The following DCC variants were observed in gnomAD, a reference collection of about 807,000 sequenced individuals.
DCC encodes the protein netrin receptor DCC.
Under a neutral mutation model 172.5 loss-of-function variants are expected in DCC, and 58 were observed. The ratio of observed to expected loss-of-function variants is 0.34; its 90% CI spans 0.27 to 0.42. DCC has a LOEUF of 0.42. Among genes scored for constraint, DCC ranks in the 10% least tolerant of loss-of-function variants. DCC has a pLI of 1.00. For missense variants in DCC, 1,740 were observed against 1,791.0 expected, an observed-to-expected ratio of 0.97 and a Z score of 0.51; for synonymous variants, 709 against 644.5, an observed-to-expected ratio of 1.10 and a Z score of -1.52.
intron 1 of DCC, among the ~76,000 whole-genome samples, chr18:52,369,842 C>T (rs1985040442): frequency 6.6e-6 from 1 of 152,000 alleles, no homozygotes; most frequent in Admixed American, 6.6e-5. Context: ...GTGATATATA[C>T]ATGGGCAGGA....
At chr18:53,443,056 G>C (rs1912372282) in intron 22 of DCC, among the ~76,000 whole-genome samples, 1 of 152,188 alleles carries the variant, frequency 6.6e-6, no homozygotes, top group South Asian at 2.1e-4. Context: ...GAAGCTGCAG[G>C]AAGTTATCCA....
At chr18:53,294,895 A>G (rs1450931666) in intron 12 of DCC, among the ~76,000 whole-genome samples, 1 of 152,224 alleles carries the variant, frequency 6.6e-6, no homozygotes, top group African/African-American at 2.4e-5. Flanking sequence ...GCAAAGATAA[A>G]GATTAGATTG....
At chr18:53,103,278 G>C (rs1598804585) in intron 7 of DCC, among the ~76,000 whole-genome samples, 1 of 152,066 alleles carries the variant, frequency 6.6e-6, no homozygotes, top group East Asian at 1.9e-4. Context: ...TGCAGTGCAT[G>C]GTAGCAGAAA....
At chr18:52,611,326 T>G (rs746553634) in intron 1 of DCC, among the ~76,000 whole-genome samples, 4 of 152,216 alleles carry the variant, frequency 2.6e-5, no homozygotes, top group Non-Finnish European at 4.4e-5. Context: ...AGTAGAAATC[T>G]TTATAGCCAT....
At position 52,490,662 on chromosome 18, in the gene DCC, C is replaced by T. The variant is rs183689726; in HGVS notation, c.91+149784C>T. Among the ~76,000 whole-genome samples the T allele has an allele frequency of 1.2e-3, 180 of 152,134 alleles. 2 individuals are homozygous for T. The Middle Eastern group carries it at 0.034, about 29-fold the overall frequency. Reference sequence around the variant, plus strand: ...AATATTCTTTTTCCTATTTTGTAGTCCCCCTCCTTTTTCTGTGATGTTTGG... The same window carrying T: ...AATATTCTTTTTCCTATTTTGTAGTTCCCCTCCTTTTTCTGTGATGTTTGG... On this transcript the variant is annotated intron_variant, in intron 1 of 28. Transcript: ENST00000442544.
chr18:52,480,840 A>AC (rs2029929306), intron 1 of DCC, among the ~76,000 whole-genome samples: 1 of 151,714 alleles, frequency 6.6e-6, no homozygotes, highest in African/African-American at 2.4e-5. Flanking sequence ...ATTTGAATAT[A>AC]CCCCCCAATT....
At chr18:52,957,537 C>T (rs940795046) in intron 5 of DCC, among the ~76,000 whole-genome samples, 1 of 151,978 alleles carries the variant, frequency 6.6e-6, no homozygotes, top group Admixed American at 6.6e-5. Context: ...ATTAATAGGA[C>T]CATTATCTCC....
intron 2 of DCC, among the ~76,000 whole-genome samples, chr18:52,870,956 A>G (rs2039310097): frequency 6.6e-6 from 1 of 152,146 alleles, no homozygotes; most frequent in African/African-American, 2.4e-5. Flanking sequence ...GCAGGCAGGA[A>G]GAAACTTTTG....
At chr18:52,400,224 A>G (rs1459947784) in intron 1 of DCC, among the ~76,000 whole-genome samples, 1 of 151,982 alleles carries the variant, frequency 6.6e-6, no homozygotes, top group Admixed American at 6.6e-5. Context: ...AAGGGTAGCA[A>G]GGAATATAAA....
At chr18:52,827,858 T>TG (rs371691503) in intron 2 of DCC, among the ~76,000 whole-genome samples, 5 of 152,316 alleles carry the variant, frequency 3.3e-5, no homozygotes, top group African/African-American at 1.2e-4. Context: ...CAAGTCCCAG[T>TG]GGGGCTGGGT....
At chr18:53,158,423 C>T (rs2054782119) in intron 8 of DCC, among the ~76,000 whole-genome samples, 1 of 152,154 alleles carries the variant, frequency 6.6e-6, no homozygotes, top group Admixed American at 6.5e-5. Context: ...AGTTCCACTT[C>T]AGGAGAAGCA....
At chr18:52,872,065 A>C (rs1241992882) in intron 2 of DCC, among the ~76,000 whole-genome samples, 2 of 152,164 alleles carry the variant, frequency 1.3e-5, no homozygotes, top group Non-Finnish European at 2.9e-5. Context: ...AGTTTCACTG[A>C]AAAATCAACT....
chr18:52,725,869 C>G (rs1010959915), intron 1 of DCC, among the ~76,000 whole-genome samples: 30 of 152,186 alleles, frequency 2.0e-4, no homozygotes, highest in Non-Finnish European at 2.9e-5. Context: ...TAGCCTGGCA[C>G]TAGTGGGTCT....
At chr18:52,660,488 A>T (rs1459777118) in intron 1 of DCC, among the ~76,000 whole-genome samples, 1 of 152,132 alleles carries the variant, frequency 6.6e-6, no homozygotes, top group East Asian at 1.9e-4. Context: ...CTCTGGTTCA[A>T]GTTTACTGTG....
At chr18:52,380,637 A>T (rs1985545796) in intron 1 of DCC, among the ~76,000 whole-genome samples, 1 of 152,116 alleles carries the variant, frequency 6.6e-6, no homozygotes, top group Non-Finnish European at 1.5e-5. Context: ...ATCTTAGGTG[A>T]TTTTATAAAC....
intron 1 of DCC, among the ~76,000 whole-genome samples, chr18:52,557,635 T>A (rs2032945281): frequency 1.3e-5 from 2 of 152,202 alleles, no homozygotes; most frequent in Admixed American, 6.5e-5. Context: ...CTGAATTCAT[T>A]CATTCCACAA....
chr18:52,812,892 A>G, intron 2 of DCC, among the ~76,000 whole-genome samples: 1 of 152,222 alleles, frequency 6.6e-6, no homozygotes, highest in East Asian at 1.9e-4. Context: ...GGGTAAAGAT[A>G]GGCCAGAATT....
intron 2 of DCC, among the ~76,000 whole-genome samples, chr18:52,893,145 C>T (rs1402952951): frequency 6.6e-6 from 1 of 152,006 alleles, no homozygotes; most frequent in African/African-American, 2.4e-5. Flanking sequence ...GTATTGAAAA[C>T]TTGTTTCATT....
At chr18:52,622,232 T>C (rs1356661153) in intron 1 of DCC, among the ~76,000 whole-genome samples, 4 of 152,180 alleles carry the variant, frequency 2.6e-5, no homozygotes, top group Non-Finnish European at 5.9e-5. Flanking sequence ...TCTATAAGAA[T>C]GTCCAAGGTT....
Sources: gnomAD v4.1 joint callset for allele counts (sites outside exome capture counted in the v4.1 genomes callset) on GRCh38, gnomAD v4.1.1 for gene constraint, MANE v1.5 for transcripts, NCBI Gene and HGNC (gene_info 2026-07-23, HGNC 2026-07-21) for gene names.